DHX30: variants seen among roughly 807,000 people sequenced by gnomAD.
The protein encoded by DHX30 is ATP-dependent RNA helicase DHX30.
A neutral mutation model predicts 116.9 loss-of-function variants in DHX30; 4 were observed. That is an observed-to-expected ratio of 0.03 (90% confidence interval 0.02 to 0.08). The LOEUF (loss-of-function observed/expected upper bound fraction) is 0.08, where lower values mean the gene tolerates loss of function less well. Ranked by LOEUF, DHX30 falls within the 10% of genes least tolerant of loss-of-function variation. The probability of loss-of-function intolerance (pLI) is 1.00; values close to 1 mark genes in which losing one functional copy is unlikely to be tolerated. For missense variants in DHX30, 871 were observed against 1,595.1 expected (o/e 0.55, Z 7.73); for synonymous variants, 697 against 651.7 (o/e 1.07, Z -1.06).
At chr3:47,806,525 A>G (rs1222744407) in intron 2 of DHX30, among the ~76,000 whole-genome samples, 2 of 147,444 alleles carry the variant, frequency 1.4e-5, no homozygotes, top group Admixed American at 1.4e-4. Flanking sequence ...GGCTCACTGC[A>G]ACCTCCGCCT....
intron 4 of DHX30, among the ~76,000 whole-genome samples, chr3:47,822,836 G>A (rs573799616): frequency 1.4e-4 from 22 of 151,948 alleles, no homozygotes; most frequent in East Asian, 3.9e-4. Flanking sequence ...GCCCACGCCC[G>A]TAATCCCAGC....
intron 2 of DHX30, among the ~76,000 whole-genome samples, chr3:47,808,165 C>T (rs1453105672): frequency 6.6e-6 from 1 of 151,824 alleles, no homozygotes; most frequent in East Asian, 1.9e-4. Flanking sequence ...TTGCCTCGGC[C>T]TCCCAAAATG....
In DHX30 at chr3:47,843,121, C is replaced by T. The variant is rs949495528; in HGVS notation, c.805C>T (p.His269Tyr). 4 of 1,614,120 alleles carry T rather than the reference C, an allele frequency of 2.5e-6. No individual in the cohort carries two copies. The highest frequency in any genetic ancestry group is 2.7e-5 in the African/African-American group (2 of 74,944). The stretch of plus-strand genomic sequence containing the variant: ...TTCCATGTAGAACCTCATGCAGTTC[C>T]ATACTGTGGGCACCAAGACCAAGCT... ...SSTAKNLMQFHTVGTKTKLST... is the reference protein window; with the variant it reads ...SSTAKNLMQFYTVGTKTKLST... The change falls in exon 9 of 22, where the codon CAT (histidine) becomes TAT (tyrosine). Residue 269 changes from histidine to tyrosine, a missense_variant. Physicochemically the swap from His to Tyr is moderately conservative, Grantham distance 83. Transcript: ENST00000445061.
At chr3:47,811,006 G>C (rs2035764346) in intron 3 of DHX30, among the ~76,000 whole-genome samples, 1 of 151,902 alleles carries the variant, frequency 6.6e-6, no homozygotes, top group African/African-American at 2.4e-5. Context: ...CTGGAGTGCA[G>C]TGGCACGATC....
chr3:47,807,703 CAAAAAA>C (rs1202083372), intron 2 of DHX30, among the ~76,000 whole-genome samples: 386 of 32,754 alleles, frequency 0.012, 1 homozygote, highest in African/African-American at 0.045. Context: ...GACTCTGTCT[CAAAAAA>C]AAAAAAAAAA....
At position 47,849,961 on chromosome 3, in the gene DHX30, G is replaced by T. The variant is rs1232399883; in HGVS notation, c.3426G>T (p.Arg1142=). ...CCGTGCGGCTGCTGAAGGAGCTGCG[G>T]CGGGCCCTGGGCCGCATGGTGGAGC... is the stretch of plus-strand genomic sequence containing the variant. The part of the protein sequence containing the change: ...SRTVRLLKEL[R]RALGRMVERS... The change falls in exon 22 of 22, where the codon CGG becomes CGT. Residue 1142 remains arginine (R), a synonymous_variant. Transcript: ENST00000445061. 1 of 1,612,950 alleles carries T rather than the reference G, an allele frequency of 6.2e-7. No individual in the cohort carries two copies. Among genetic ancestry groups the T allele is most frequent in the East Asian group, 2.2e-5 (1 of 44,886 alleles).
At chr3:47,829,419 C>T (rs2107040026) in intron 6 of DHX30, among the ~76,000 whole-genome samples, 1 of 147,684 alleles carries the variant, frequency 6.8e-6, no homozygotes, top group East Asian at 2.0e-4. Context: ...TCTTGGCTCA[C>T]TGCAACCTCC....
chr3:47,841,125 C>T lies in DHX30; in HGVS notation c.615C>T (p.Thr205=), dbSNP rs370318161. ...EELEEGTIDV[T]DFLSMTQQDS... Reference sequence around the variant, plus strand: ...TAGAAGAAGGGACCATAGATGTTACCGACTTCTTGTCCATGACCCAGCAGG... The same window carrying T: ...TAGAAGAAGGGACCATAGATGTTACTGACTTCTTGTCCATGACCCAGCAGG... Residue 205 remains threonine (T), a synonymous_variant, in exon 7 of 22, where the codon ACC becomes ACT. Transcript: ENST00000445061. 107 of 1,614,136 alleles carry T rather than the reference C, an allele frequency of 6.6e-5. No individual in the cohort carries two copies. The South Asian group carries it at 8.1e-4, about 12-fold the overall frequency.
intron 8 of DHX30, 117 bp from the exon 9 acceptor site, chr3:47,842,989 G>C: frequency 7.6e-7 from 1 of 1,312,112 alleles, no homozygotes; most frequent in Non-Finnish European, 1.1e-6. Context: ...GCTCACGCCT[G>C]GCACCTGCTG....
At chr3:47,816,916 A>T in intron 3 of DHX30, 1 of 899,302 alleles carries the variant, frequency 1.1e-6, no homozygotes, top group Non-Finnish European at 1.3e-6. Context: ...CTCAATTTTA[A>T]TAAAAAAAAA....
At chr3:47,806,165 TG>T (rs35974531) in intron 2 of DHX30, among the ~76,000 whole-genome samples, 87,596 of 145,682 alleles carry the variant, frequency 0.6, 27,701 homozygotes, top group East Asian at 0.72. Flanking sequence ...TTTTTTTAGA[TG>T]GGAGTCTCAC....
chr3:47,848,138 G>A lies in DHX30; in HGVS notation c.2287-42G>A. 6.2e-7 allele frequency: 1 copy of A among 1,610,110 alleles called. No homozygotes were observed. Among genetic ancestry groups the A allele is most frequent in the Non-Finnish European group, 8.5e-7 (1 of 1,177,292 alleles). ...TACTCAGGGAGTGGGGAAGCACTGA[G>A]GAAGTGGCATTTGTGTGCTGCTTAC... On this transcript the variant is annotated intron_variant, in intron 14 of 21. Coordinates refer to ENST00000445061, the MANE Select transcript of DHX30 (RefSeq NM_138615.3). This position sits in a 1 kb window ranked among gnomAD's most constrained non-coding sequence, Gnocchi z 9.4.
intron 4 of DHX30, chr3:47,824,745 A>C: frequency 3.0e-6 from 1 of 337,308 alleles, no homozygotes. Flanking sequence ...GCTAAGGCCT[A>C]GCATTATTTT....
At chr3:47,803,376 C>G (rs970869591) in intron 1 of DHX30, among the ~76,000 whole-genome samples, 164 bp downstream of exon 1, 1 of 152,048 alleles carries the variant, frequency 6.6e-6, no homozygotes, top group South Asian at 2.1e-4. Flanking sequence ...CCTAGGCCTG[C>G]CCGGGAAGCC....
intron 2 of DHX30, among the ~76,000 whole-genome samples, chr3:47,807,040 T>C (rs1475646603): frequency 6.6e-6 from 1 of 151,906 alleles, no homozygotes; most frequent in African/African-American, 2.4e-5. Context: ...ACACTGTCTC[T>C]ACCAAAAATA....
chr3:47,804,985 T>C (rs1576452332), intron 1 of DHX30, among the ~76,000 whole-genome samples: 2 of 152,246 alleles, frequency 1.3e-5, no homozygotes, highest in East Asian at 3.8e-4. Context: ...TGTTAGATTA[T>C]CATAATTATT....
rs542206690 is a variant in DHX30 at position 47,829,992 on chromosome 3, C to T, written c.366+858C>T. 1.4e-3 allele frequency among the ~76,000 whole-genome samples: 218 copies of T among 151,174 alleles called. 1 individual carries two copies. The highest frequency in any genetic ancestry group is 6.2e-3 in the Admixed American group (95 of 15,204). On this transcript the variant is annotated intron_variant, in intron 6 of 21. Coordinates refer to ENST00000445061, the MANE Select transcript of DHX30 (RefSeq NM_138615.3). ...GACTACAGGTGCCCGCCACCATGCC[C>T]GACTAATTTTTGTATTTTTAGTAGA...
intron 6 of DHX30, among the ~76,000 whole-genome samples, chr3:47,839,315 C>T (rs1320440165): frequency 1.5e-5 from 2 of 136,862 alleles, no homozygotes; most frequent in African/African-American, 5.6e-5. Context: ...CGGAGTTTCG[C>T]CGGAGGTTTG....
chr3:47,848,581 G>A lies in DHX30; in HGVS notation c.2575+31G>A, dbSNP rs143047184. The A allele has an allele frequency of 1.1e-5, 18 of 1,614,060 alleles. No individual in the cohort carries two copies. The East Asian group carries it at 4.0e-4, about 36-fold the overall frequency. On this transcript the variant is annotated intron_variant, in intron 16 of 21. Transcript: ENST00000445061. The surrounding 1 kb of genome is among the most constrained non-coding windows in gnomAD (Gnocchi z 9.4). ...TAGGGGCTGGGCTGGGCTGGGCTGG[G>A]GAGTGGCTCTCGAGGGTGGTACTGA...
Sources: gnomAD v4.1 joint callset for allele counts (sites outside exome capture counted in the v4.1 genomes callset) on GRCh38, gnomAD v4.1.1 for gene constraint, Gnocchi (gnomAD v3.1) non-coding constraint, MANE v1.5 for transcripts, NCBI Gene and HGNC (gene_info 2026-07-23, HGNC 2026-07-21) for gene names.